PTPRT: variants seen among roughly 807,000 people sequenced by gnomAD.
The protein encoded by PTPRT is receptor-type tyrosine-protein phosphatase T.
In PTPRT, 56 loss-of-function variants were observed where a neutral mutation model predicts 176.8. That is an observed-to-expected ratio of 0.32 (90% CI 0.26 to 0.40). PTPRT has a LOEUF of 0.40. Ranked by LOEUF, PTPRT falls within the 10% of genes least tolerant of loss-of-function variation. The pLI is 1.00. For missense variants in PTPRT, 1,540 were observed against 1,908.2 expected, an observed-to-expected ratio of 0.81 and a Z score of 3.60; for synonymous variants, 783 against 739.0, an observed-to-expected ratio of 1.06 and a Z score of -0.96.
chr20:42,932,068 T>C (rs1203318294), intron 1 of PTPRT, among the ~76,000 whole-genome samples: 2 of 152,202 alleles, frequency 1.3e-5, no homozygotes, highest in Non-Finnish European at 2.9e-5. Context: ...TCCTGCAAGT[T>C]CATCCTGTCA....
intron 1 of PTPRT, among the ~76,000 whole-genome samples, chr20:42,996,760 A>G (rs921006675): frequency 6.6e-6 from 1 of 152,224 alleles, no homozygotes; most frequent in African/African-American, 2.4e-5. Flanking sequence ...CCAGAGGCTG[A>G]GTTTGAATCT....
At chr20:42,980,537 A>G (rs932814460) in intron 1 of PTPRT, among the ~76,000 whole-genome samples, 2 of 152,198 alleles carry the variant, frequency 1.3e-5, no homozygotes, top group African/African-American at 2.4e-5. Flanking sequence ...TCGAAGACAA[A>G]TTCTTCAGAA....
rs1402379004 is a variant in PTPRT, at chr20:42,079,168, CT to C, written c.*1710del. On this transcript the variant is annotated 3_prime_UTR_variant, in exon 31 of 31. Transcript: ENST00000373187. Reference sequence around the variant, plus strand: ...AGGAACAGGGAATTGTTTTTACTGACTAAGAAATTAGATGAGACTGGCTTTC... The same window carrying C: ...AGGAACAGGGAATTGTTTTTACTGACAAGAAATTAGATGAGACTGGCTTTC... 3.6e-4 allele frequency: 72 copies of C among 199,206 alleles called. No individual in the cohort carries two copies. Among genetic ancestry groups the C allele is most frequent in the African/African-American group, 1.4e-3 (62 of 43,532 alleles). 12.3% of individuals were successfully genotyped at this position (199,206 alleles called of 1,614,324 possible). A position where few individuals can be genotyped will look rare whatever the true frequency, so the allele number is the denominator to read the frequency against.
chr20:42,749,526 G>A (rs1296053092), intron 6 of PTPRT, among the ~76,000 whole-genome samples: 1 of 152,328 alleles, frequency 6.6e-6, no homozygotes, highest in Non-Finnish European at 1.5e-5. Flanking sequence ...GGCAAGCCTA[G>A]CTCTGCCACT....
intron 2 of PTPRT, among the ~76,000 whole-genome samples, chr20:42,828,603 C>T (rs1016311857): frequency 1.3e-5 from 2 of 152,162 alleles, no homozygotes; most frequent in African/African-American, 4.8e-5. Flanking sequence ...CCAGGGACCC[C>T]TGCTGTGGGC....
chr20:42,515,076 G>C (rs2072035714), intron 7 of PTPRT, among the ~76,000 whole-genome samples: 1 of 152,128 alleles, frequency 6.6e-6, no homozygotes, highest in Non-Finnish European at 1.5e-5. Context: ...CTATAGATTA[G>C]CTTGAGAATA....
At chr20:42,245,256 C>T (rs1287825834) in intron 14 of PTPRT, among the ~76,000 whole-genome samples, 2 of 152,180 alleles carry the variant, frequency 1.3e-5, no homozygotes, top group Admixed American at 6.5e-5. Context: ...TGAGGGGCTC[C>T]AGGATCCCTT....
chr20:42,292,836 C>T (rs757233681), intron 12 of PTPRT, among the ~76,000 whole-genome samples: 12 of 152,182 alleles, frequency 7.9e-5, no homozygotes, highest in Admixed American at 2.0e-4. Context: ...ATTAGGACTA[C>T]GTAATGTGGT....
In PTPRT at chr20:42,884,433, G is replaced by C. The variant is rs575733066; in HGVS notation, c.214+1374C>G. On this transcript the variant is annotated intron_variant, in intron 2 of 30. Transcript: ENST00000373187. ...CACACCCTCACCTGGGCATCTCTGA[G>C]CATCTTCTTTGCTCCCACTTTAGTA... Among the ~76,000 whole-genome samples, 3 of 152,258 alleles carry C rather than the reference G, an allele frequency of 2.0e-5. No individual in the cohort carries two copies. The East Asian group carries it at 5.8e-4, about 29-fold the overall frequency.
At chr20:42,559,631 T>C (rs555025952) in intron 7 of PTPRT, among the ~76,000 whole-genome samples, 28 of 152,286 alleles carry the variant, frequency 1.8e-4, no homozygotes, top group African/African-American at 6.3e-4. Context: ...GTCTCTTCCA[T>C]TGATGCTCTT....
Position 42,614,334 on chromosome 20 carries a change from G to A in PTPRT, c.1153+63532C>T, listed in dbSNP as rs546504121. Among the ~76,000 whole-genome samples, 22 of 152,148 alleles carry A rather than the reference G, an allele frequency of 1.4e-4. No individual in the cohort carries two copies. In the South Asian group the frequency reaches 1.7e-3, roughly 11 times the overall value. On this transcript the variant is annotated intron_variant, in intron 7 of 30. Transcript: ENST00000373187. ...TAATTTAACTGCATGCACAATGACC[G>A]TATTTCCAAATAAGGTCATATTCTG...
intron 12 of PTPRT, among the ~76,000 whole-genome samples, chr20:42,308,098 C>A (rs892978290): frequency 1.3e-5 from 2 of 152,142 alleles, no homozygotes; most frequent in Non-Finnish European, 2.9e-5. Context: ...GAATTGCCCA[C>A]CCCTTTCCCA....
chr20:42,035,485 T>C, the PTPRT span, among the ~76,000 whole-genome samples: 3 of 152,150 alleles, frequency 2.0e-5, no homozygotes, highest in African/African-American at 7.2e-5. Flanking sequence ...GACTCTGATA[T>C]AGAAGCTCAC....
intron 6 of PTPRT, among the ~76,000 whole-genome samples, chr20:42,678,818 C>T (rs149035845): frequency 1.3e-5 from 2 of 152,308 alleles, no homozygotes; most frequent in South Asian, 2.1e-4. Flanking sequence ...GGAAAACCTG[C>T]TTTTGCTGAA....
intron 16 of PTPRT, among the ~76,000 whole-genome samples, chr20:42,191,304 C>T (rs1422761864): frequency 2.0e-5 from 3 of 152,174 alleles, no homozygotes; most frequent in Non-Finnish European, 4.4e-5. Flanking sequence ...ACTGAGGCAG[C>T]CCTAGCTGGA....
intron 2 of PTPRT, among the ~76,000 whole-genome samples, chr20:42,871,811 C>T (rs2145826187): frequency 6.6e-6 from 1 of 152,298 alleles, no homozygotes; most frequent in Non-Finnish European, 1.5e-5. Flanking sequence ...TTATAAACCT[C>T]TAATACCCTG....
At chr20:42,267,902 T>C (rs1275462981) in intron 13 of PTPRT, among the ~76,000 whole-genome samples, 2 of 152,216 alleles carry the variant, frequency 1.3e-5, no homozygotes, top group African/African-American at 2.4e-5. Flanking sequence ...CTGTGGCTAT[T>C]CATATTTCAA....
intron 17 of PTPRT, among the ~76,000 whole-genome samples, chr20:42,151,619 T>C (rs1405463702): frequency 6.6e-6 from 1 of 152,236 alleles, no homozygotes; most frequent in Admixed American, 6.5e-5. Context: ...TGTGTGCATA[T>C]GTCTTTATAG....
intron 1 of PTPRT, chr20:42,968,663 T>C (rs546613494): frequency 2.0e-5 from 3 of 152,374 alleles, no homozygotes; most frequent in African/African-American, 7.2e-5. Context: ...ATATGCATCA[T>C]TCATTTACTC....
Sources: gnomAD v4.1 joint callset for allele counts (sites outside exome capture counted in the v4.1 genomes callset) on GRCh38, gnomAD v4.1.1 for gene constraint, MANE v1.5 for transcripts, NCBI Gene and HGNC (gene_info 2026-07-23, HGNC 2026-07-21) for gene names.